Variants in ZNF395 observed in about 807,000 individuals in gnomAD.
ZNF395 encodes the protein HD gene regulatory region-binding protein 2.
A neutral mutation model predicts 57.7 loss-of-function variants in ZNF395; 20 were observed. That is an observed-to-expected ratio of 0.35 (90% CI 0.24 to 0.50). The LOEUF (loss-of-function observed/expected upper bound fraction) is 0.50, where lower values mean the gene tolerates loss of function less well. Among genes scored for constraint, ZNF395 ranks in the 20% least tolerant of loss-of-function variants. ZNF395 has a pLI of 0.97. For missense variants in ZNF395, 606 were observed against 671.2 expected (o/e 0.90, Z 1.07); for synonymous variants, 295 against 275.9 (o/e 1.07, Z -0.69).
chr8:28,366,425 T>C (rs1801911472), intron 1 of ZNF395, among the ~76,000 whole-genome samples: 2 of 152,202 alleles, frequency 1.3e-5, no homozygotes, highest in South Asian at 4.1e-4. Flanking sequence ...GTTCTAAACT[T>C]GCAGGGCATA....
intron 1 of ZNF395, among the ~76,000 whole-genome samples, chr8:28,367,788 A>G (rs1801928586): frequency 6.6e-6 from 1 of 152,198 alleles, no homozygotes; most frequent in Non-Finnish European, 1.5e-5. Context: ...ACTGATCTTA[A>G]ACAGCTGATC....
At chr8:28,369,439 G>C (rs182568660) in intron 1 of ZNF395, among the ~76,000 whole-genome samples, 6 of 152,276 alleles carry the variant, frequency 3.9e-5, no homozygotes, top group African/African-American at 1.4e-4. Context: ...CTCTCCTTGC[G>C]GTGGGTAATC....
intron 7 of ZNF395, among the ~76,000 whole-genome samples, chr8:28,351,104 C>T (rs904051): frequency 1 from 152,264 of 152,354 alleles, 76,087 homozygotes; most frequent in Middle Eastern, 1. Context: ...TCTTGGCCCG[C>T]AGGAAGTATT....
In ZNF395 at chr8:28,351,822, G is replaced by C; in HGVS notation, c.921-15C>G. On this transcript the variant is annotated splice_polypyrimidine_tract_variant and intron_variant, in intron 6 of 9. Coordinates refer to ENST00000344423, the MANE Select transcript of ZNF395 (RefSeq NM_018660.3). ...CCACTGTGTCCCTGTGTGGGAGGGA[G>C]ATGCGGTATAATCAGGGGCACCCTG... The C allele has an allele frequency of 6.5e-7, 1 of 1,530,500 alleles. No homozygotes were observed. Among genetic ancestry groups the C allele is most frequent in the Non-Finnish European group, 8.8e-7 (1 of 1,140,492 alleles). The allele number at this position is 1,530,500 out of a possible 1,614,324, so 94.8% of individuals were successfully genotyped here.
intron 1 of ZNF395, among the ~76,000 whole-genome samples, chr8:28,382,835 A>G (rs978937807): frequency 1.3e-5 from 2 of 152,246 alleles, no homozygotes; most frequent in Non-Finnish European, 1.5e-5. Flanking sequence ...GAACGATTAG[A>G]TCAACTTAGT....
rs1267507445 is a variant in ZNF395, at chr8:28,356,077, C to A, written c.583+593G>T. On this transcript the variant is annotated intron_variant, in intron 4 of 9. Coordinates refer to ENST00000344423, the MANE Select transcript of ZNF395 (RefSeq NM_018660.3). The surrounding 1 kb of genome is among the most constrained non-coding windows in gnomAD (Gnocchi z 4.0). ...CAAACTACTGACAAATACTCAGCAA[C>A]CCTTTTTTCCCTCATATTATTGATA... Among the ~76,000 whole-genome samples, 1 of 152,212 alleles carries A rather than the reference C, an allele frequency of 6.6e-6. No individual in the cohort carries two copies. The highest frequency in any genetic ancestry group is 1.5e-5 in the Non-Finnish European group (1 of 68,034).
intron 1 of ZNF395, among the ~76,000 whole-genome samples, chr8:28,371,560 GCTTC>G (rs1222323132): frequency 6.6e-6 from 1 of 152,196 alleles, no homozygotes; most frequent in East Asian, 1.9e-4. Flanking sequence ...GACCACATAA[GCTTC>G]CTTGTTTTTA....
At chr8:28,360,497 G>A (rs549649247) in intron 2 of ZNF395, among the ~76,000 whole-genome samples, 15 of 152,364 alleles carry the variant, frequency 9.8e-5, no homozygotes, top group African/African-American at 3.6e-4. Flanking sequence ...TCTTAAAAGT[G>A]TCTAAAGGGA....
intron 1 of ZNF395, among the ~76,000 whole-genome samples, chr8:28,365,047 A>G (rs1801894636): frequency 6.6e-6 from 1 of 152,244 alleles, no homozygotes. Context: ...ACTTTAGCCA[A>G]GTTTATACTG....
chr8:28,384,532 T>C (rs940832957), intron 1 of ZNF395, among the ~76,000 whole-genome samples: 3 of 152,112 alleles, frequency 2.0e-5, no homozygotes, highest in Non-Finnish European at 4.4e-5. Context: ...CATCCTTCTG[T>C]CCCCTCTATG....
intron 7 of ZNF395, chr8:28,351,285 C>T (rs1801678870): frequency 2.0e-6 from 1 of 512,764 alleles, no homozygotes; most frequent in African/African-American, 1.9e-5. Context: ...TTCCTAGTAA[C>T]CACTCATGAC....
chr8:28,350,306 G>A lies in ZNF395; in HGVS notation c.1234-150C>T, dbSNP rs150578564. The A allele has an allele frequency of 5.7e-4, 388 of 678,698 alleles. 1 individual carries two copies. Among genetic ancestry groups the A allele is most frequent in the African/African-American group, 5.3e-3 (290 of 54,538 alleles). The allele number at this position is 678,698 out of a possible 1,614,324, so 42.0% of individuals were successfully genotyped here. ...GAGCTGGGACACACTCGGCTTTCTC[G>A]AGGACAACACTGGAGTATCATCCAA... On this transcript the variant is annotated intron_variant, in intron 7 of 9. Coordinates refer to ENST00000344423, the MANE Select transcript of ZNF395 (RefSeq NM_018660.3).
At chr8:28,378,535 C>T (rs1802072101) in intron 1 of ZNF395, among the ~76,000 whole-genome samples, 1 of 152,162 alleles carries the variant, frequency 6.6e-6, no homozygotes, top group African/African-American at 2.4e-5. Flanking sequence ...GTCAATGCAC[C>T]TCACCTGTTT....
chr8:28,381,426 T>G (rs1328176387), intron 1 of ZNF395, among the ~76,000 whole-genome samples: 4 of 152,108 alleles, frequency 2.6e-5, no homozygotes, highest in Non-Finnish European at 5.9e-5. Flanking sequence ...CAAGCAATCC[T>G]CTTGCCTCAG....
intron 1 of ZNF395, among the ~76,000 whole-genome samples, chr8:28,385,820 G>A (rs1802171628): frequency 1.4e-5 from 2 of 147,392 alleles, no homozygotes; most frequent in African/African-American, 4.9e-5. Flanking sequence ...GGGAGCGGCA[G>A]CCACCCCGCC....
At chr8:28,350,212 G>A (rs977840674) in intron 7 of ZNF395, 56 bp from the exon 8 acceptor site, 31 of 1,442,560 alleles carry the variant, frequency 2.1e-5, no homozygotes, top group Middle Eastern at 3.5e-4. Flanking sequence ...TTCAGAGTCT[G>A]CCCACAATCC....
At chr8:28,362,223 CTCGAAGTGGG>C (rs1303695381) in intron 1 of ZNF395, among the ~76,000 whole-genome samples, 1 of 152,196 alleles carries the variant, frequency 6.6e-6, no homozygotes, top group Non-Finnish European at 1.5e-5. Flanking sequence ...GAACAGGCCT[CTCGAAGTGGG>C]TCCCTACCAG....
At position 28,351,484 on chromosome 8, in the gene ZNF395, C is replaced by A; in HGVS notation, c.1233+11G>T. 7 of 1,582,026 alleles carry A rather than the reference C, an allele frequency of 4.4e-6. No homozygotes were observed. The highest frequency in any genetic ancestry group is 2.3e-5 in the East Asian group (1 of 44,290). Reference sequence around the variant, plus strand: ...TATGAGCCTGAGCCTCCAGCGAGCCCCGCCCCATACCTGGTATGCATGATC... The same window carrying A: ...TATGAGCCTGAGCCTCCAGCGAGCCACGCCCCATACCTGGTATGCATGATC... On this transcript the variant is annotated intron_variant, in intron 7 of 9. Coordinates refer to ENST00000344423, the MANE Select transcript of ZNF395 (RefSeq NM_018660.3).
At chr8:28,362,091 CAAAA>C (rs111833441) in intron 1 of ZNF395, among the ~76,000 whole-genome samples, 1 of 124,988 alleles carries the variant, frequency 8.0e-6, no homozygotes. Flanking sequence ...GACTCAGACT[CAAAA>C]AAAAAAAAAA....
Sources: gnomAD v4.1 joint callset for allele counts (sites outside exome capture counted in the v4.1 genomes callset) on GRCh38, gnomAD v4.1.1 for gene constraint, Gnocchi (gnomAD v3.1) non-coding constraint, MANE v1.5 for transcripts, NCBI Gene and HGNC (gene_info 2026-07-23, HGNC 2026-07-21) for gene names.